Variants in PPARD observed in about 807,000 individuals in gnomAD.
The protein encoded by PPARD is peroxisome proliferator activated receptor delta.
Under a neutral mutation model 39.5 loss-of-function variants are expected in PPARD, and 6 were observed. That is an observed-to-expected ratio of 0.15 (90% CI 0.08 to 0.30). The LOEUF (loss-of-function observed/expected upper bound fraction) is 0.30, where lower values mean the gene tolerates loss of function less well. Ranked by LOEUF, PPARD falls within the 10% of genes least tolerant of loss-of-function variation. The probability of loss-of-function intolerance (pLI) is 1.00; values close to 1 mark genes in which losing one functional copy is unlikely to be tolerated. For synonymous variants in PPARD, 210 were observed against 231.3 expected, an observed-to-expected ratio of 0.91 and a Z score of 0.83; for missense variants, 397 against 596.8, an observed-to-expected ratio of 0.67 and a Z score of 3.49.
intron 2 of PPARD, among the ~76,000 whole-genome samples, chr6:35,394,999 A>G (rs553249661): frequency 5.9e-5 from 9 of 152,140 alleles, no homozygotes; most frequent in Non-Finnish European, 1.0e-4. Flanking sequence ...GGTACACAGC[A>G]TAGTAAAGAC....
intron 2 of PPARD, among the ~76,000 whole-genome samples, chr6:35,405,977 A>C (rs1383599157): frequency 6.6e-6 from 1 of 150,900 alleles, no homozygotes; most frequent in African/African-American, 2.4e-5. Context: ...CTCAGGCTGG[A>C]GTGCAGCAGT....
intron 2 of PPARD, among the ~76,000 whole-genome samples, chr6:35,378,140 G>A (rs1762926042): frequency 6.6e-6 from 1 of 152,076 alleles, no homozygotes; most frequent in South Asian, 2.1e-4. Context: ...GGGATTACAG[G>A]CATGAGCTAC....
chr6:35,377,871 C>CTTTTTTTTTTTTTTTT lies in PPARD; in HGVS notation c.-102+30732_-102+30733insTTTTTTTTTTTTTTTT, dbSNP rs540687692. ...TGTGGGTCGCTGCTTGTTTACGTAT[C>CTTTTTTTTTTTTTTTT]TTTTTTTTTTTGAGACAGAGTGTTG... On this transcript the variant is annotated intron_variant, in intron 2 of 7. Transcript: ENST00000360694. Among the ~76,000 whole-genome samples, 63 of 120,328 alleles carry CTTTTTTTTTTTTTTTT rather than the reference C, an allele frequency of 5.2e-4. 3 individuals are homozygous for CTTTTTTTTTTTTTTTT. The highest frequency in any genetic ancestry group is 1.8e-3 in the African/African-American group (41 of 22,808). The allele number at this position is 120,328 out of a possible 152,430, so 78.9% of individuals were successfully genotyped here.
chr6:35,411,352 G>T (rs1476190371), intron 3 of PPARD, 135 bp downstream of exon 3: 1 of 1,155,480 alleles, frequency 8.7e-7, no homozygotes, highest in Admixed American at 3.5e-5. Context: ...CGGAAGCCTG[G>T]GTTCACGCCC....
chr6:35,407,185 CCT>C (rs1201851979), intron 2 of PPARD, among the ~76,000 whole-genome samples: 2 of 152,194 alleles, frequency 1.3e-5, no homozygotes, highest in African/African-American at 4.8e-5. Flanking sequence ...AGCTTTTCCT[CCT>C]CTGTTACTGC....
intron 2 of PPARD, among the ~76,000 whole-genome samples, chr6:35,380,527 C>T (rs1472401604): frequency 5.4e-5 from 6 of 110,218 alleles, no homozygotes; most frequent in South Asian, 3.3e-4. Context: ...CTTACTTTGT[C>T]GCCCAGGCTG....
At chr6:35,397,471 T>A in intron 2 of PPARD, 1 of 915,646 alleles carries the variant, frequency 1.1e-6, no homozygotes, top group Non-Finnish European at 1.3e-6. Context: ...CAATTTATGC[T>A]CATCTTGATA....
intron 2 of PPARD, among the ~76,000 whole-genome samples, chr6:35,381,564 C>G (rs984956154): frequency 6.6e-6 from 1 of 152,156 alleles, no homozygotes; most frequent in Non-Finnish European, 1.5e-5. Flanking sequence ...GAGCCCCAAC[C>G]ATCATGTCAG....
chr6:35,380,488 T>G (rs1332937331), intron 2 of PPARD, among the ~76,000 whole-genome samples: 5,546 of 125,176 alleles, frequency 0.044, 306 homozygotes, highest in African/African-American at 0.16. Flanking sequence ...TTTTTTTTTT[T>G]TTTTTTTTTT....
intron 2 of PPARD, chr6:35,348,224 A>T: frequency 1.9e-6 from 1 of 513,074 alleles, no homozygotes; most frequent in Non-Finnish European, 2.5e-6. Flanking sequence ...AAATATTTTT[A>T]AGTGCCAACT....
At chr6:35,344,344 C>T (rs1010014014) in intron 1 of PPARD, among the ~76,000 whole-genome samples, 10 of 151,978 alleles carry the variant, frequency 6.6e-5, no homozygotes, top group Admixed American at 2.6e-4. Flanking sequence ...CCCTGGTGGG[C>T]TGTGGGGCTG....
intron 2 of PPARD, among the ~76,000 whole-genome samples, chr6:35,400,984 T>C (rs953041853): frequency 6.6e-6 from 1 of 152,054 alleles, no homozygotes; most frequent in Non-Finnish European, 1.5e-5. Context: ...ATTGGCCTCA[T>C]GCCAAGCAGT....
At chr6:35,398,755 C>T (rs1764502202) in intron 2 of PPARD, among the ~76,000 whole-genome samples, 2 of 152,174 alleles carry the variant, frequency 1.3e-5, no homozygotes, top group Non-Finnish European at 2.9e-5. Flanking sequence ...GCAGTCATAT[C>T]ACTATCACAT....
intron 2 of PPARD, among the ~76,000 whole-genome samples, chr6:35,387,725 T>TC (rs1408740499): frequency 7.0e-6 from 1 of 143,118 alleles, no homozygotes; most frequent in East Asian, 2.0e-4. Flanking sequence ...TCTTTTTTTT[T>TC]TTTTTTTTTT....
intron 2 of PPARD, among the ~76,000 whole-genome samples, chr6:35,398,904 A>AGT: frequency 6.7e-6 from 1 of 150,132 alleles, no homozygotes. Context: ...ACTTGAGGTT[A>AGT]TGAGTTCAAG....
chr6:35,347,502 G>A (rs1226391077), intron 2 of PPARD, among the ~76,000 whole-genome samples: 2 of 151,980 alleles, frequency 1.3e-5, no homozygotes, highest in East Asian at 3.9e-4. Flanking sequence ...GTAAATGAAC[G>A]AACTTTCGTC....
chr6:35,375,313 G>C (rs1383636343), intron 2 of PPARD, among the ~76,000 whole-genome samples: 1 of 146,920 alleles, frequency 6.8e-6, no homozygotes, highest in Non-Finnish European at 1.5e-5. Context: ...TGCCTCCCAG[G>C]TTCAAGTGAT....
intron 2 of PPARD, among the ~76,000 whole-genome samples, chr6:35,388,015 C>A (rs140680201): frequency 0.014 from 2,131 of 148,814 alleles, 20 homozygotes; most frequent in Middle Eastern, 0.027. Flanking sequence ...AGCCACCACA[C>A]CTGGCCATTC....
intron 2 of PPARD, among the ~76,000 whole-genome samples, chr6:35,367,262 T>C (rs1433478665): frequency 2.0e-5 from 3 of 152,312 alleles, no homozygotes; most frequent in Non-Finnish European, 2.9e-5. Flanking sequence ...TTCCCAATTA[T>C]AGGGCGAGTA....
Sources: allele counts gnomAD v4.1 joint callset (sites outside exome capture counted in the v4.1 genomes callset), GRCh38; gene constraint gnomAD v4.1.1; transcripts MANE v1.5; gene names NCBI Gene and HGNC (gene_info 2026-07-23, HGNC 2026-07-21).